Variants in SGCZ observed in about 807,000 individuals in gnomAD.
The protein encoded by SGCZ is sarcoglycan zeta, also known as zeta-sarcoglycan.
SGCZ carries 40 observed loss-of-function variants against 41.3 expected under a neutral mutation model. That is an observed-to-expected ratio of 0.97 (90% CI 0.75 to 1.26). SGCZ has a LOEUF of 1.26. Ranked by LOEUF, SGCZ falls within the 50% of genes most tolerant of loss-of-function variation. The pLI, the probability that SGCZ is intolerant of heterozygous loss-of-function variation, is 0.00. For synonymous variants in SGCZ, 206 were observed against 137.5 expected (o/e 1.50, Z -3.49); for missense variants, 552 against 369.8 (o/e 1.49, Z -4.04).
intron 2 of SGCZ, among the ~76,000 whole-genome samples, chr8:14,508,170 T>C (rs903286219): frequency 6.6e-6 from 1 of 152,140 alleles, no homozygotes; most frequent in Non-Finnish European, 1.5e-5. Flanking sequence ...CCTAACATAC[T>C]ATGTAATTTA....
At chr8:14,544,141 A>G (rs1803553392) in intron 2 of SGCZ, among the ~76,000 whole-genome samples, 1 of 152,160 alleles carries the variant, frequency 6.6e-6, no homozygotes, top group Admixed American at 6.6e-5. Context: ...GTGGCAGCGG[A>G]ACATAAATTC....
intron 1 of SGCZ, among the ~76,000 whole-genome samples, chr8:14,775,912 G>A (rs1436463827): frequency 6.6e-6 from 1 of 152,162 alleles, no homozygotes; most frequent in Admixed American, 6.5e-5. Flanking sequence ...ACAGATGCCT[G>A]TGACTGGGAG....
chr8:14,538,946 G>A (rs1196623847), intron 2 of SGCZ, among the ~76,000 whole-genome samples: 1 of 151,952 alleles, frequency 6.6e-6, no homozygotes, highest in African/African-American at 2.4e-5. Flanking sequence ...AATTTCATGT[G>A]TCAGCTTGGC....
rs543150631 is a variant in SGCZ at position 14,803,938 on chromosome 8, C to T, written c.40-249012G>A. Among the ~76,000 whole-genome samples, 57 of 110,148 alleles carry T rather than the reference C, an allele frequency of 5.2e-4. 1 individual carries two copies. Among genetic ancestry groups the T allele is most frequent in the Admixed American group, 6.5e-4 (7 of 10,736 alleles). 72.3% of individuals were successfully genotyped at this position (110,148 alleles called of 152,430 possible). On this transcript the variant is annotated intron_variant, in intron 1 of 7. Transcript: ENST00000382080. ...TGCTGACCCCTGACCCCCGAGCCGCCTAACTGGGAGGCACCCCACAGCATG... is the reference window on the plus strand; with the variant it reads ...TGCTGACCCCTGACCCCCGAGCCGCTTAACTGGGAGGCACCCCACAGCATG...
intron 1 of SGCZ, among the ~76,000 whole-genome samples, chr8:15,169,544 C>A (rs1799767149): frequency 6.6e-6 from 1 of 152,156 alleles, no homozygotes; most frequent in South Asian, 2.1e-4. Context: ...AACAAAGAAC[C>A]CTGTCTTTAG....
intron 5 of SGCZ, among the ~76,000 whole-genome samples, chr8:14,141,248 C>G (rs751413479): frequency 1.3e-5 from 2 of 152,044 alleles, no homozygotes; most frequent in Admixed American, 6.6e-5. Flanking sequence ...ATTCAGGACA[C>G]AGGCATGGGC....
At chr8:14,607,973 G>C (rs1278315093) in intron 1 of SGCZ, among the ~76,000 whole-genome samples, 1 of 152,136 alleles carries the variant, frequency 6.6e-6, no homozygotes, top group Non-Finnish European at 1.5e-5. Flanking sequence ...CCAGCTATTT[G>C]AAAGTTTCTA....
At chr8:14,728,496 G>GA in intron 1 of SGCZ, among the ~76,000 whole-genome samples, 1 of 151,862 alleles carries the variant, frequency 6.6e-6, no homozygotes, top group African/African-American at 2.4e-5. Context: ...ATTAACCATG[G>GA]AAAAAGACAC....
chr8:14,783,076 T>C (rs1009133479), intron 1 of SGCZ, among the ~76,000 whole-genome samples: 1 of 152,160 alleles, frequency 6.6e-6, no homozygotes. Context: ...CCCATGAGAT[T>C]TGGGGGCTTC....
At position 14,122,730 on chromosome 8, in the gene SGCZ, C is replaced by A. The variant is rs1802738025; in HGVS notation, c.548-14495G>T. 2.0e-5 allele frequency among the ~76,000 whole-genome samples: 3 copies of A among 152,158 alleles called. No homozygotes were observed. The South Asian group carries it at 6.2e-4, about 31-fold the overall frequency. ...CCATATTTTCAAGTTGTGGTCAACTCATTTCTTCTCCCCTTGTTTTTAGGA... is the reference window on the plus strand; with the variant it reads ...CCATATTTTCAAGTTGTGGTCAACTAATTTCTTCTCCCCTTGTTTTTAGGA... On this transcript the variant is annotated intron_variant, in intron 5 of 7. Transcript: ENST00000382080.
chr8:15,026,983 C>T (rs1585487250), intron 1 of SGCZ, among the ~76,000 whole-genome samples: 1 of 152,270 alleles, frequency 6.6e-6, no homozygotes, highest in East Asian at 1.9e-4. Flanking sequence ...TTCCAACAGA[C>T]AATGGTTCCA....
rs909115673 is a variant in SGCZ, at chr8:14,493,374, T to C, written c.234+61358A>G. 3.1e-3 allele frequency among the ~76,000 whole-genome samples: 376 copies of C among 123,206 alleles called. 16 individuals carry two copies. The highest frequency in any genetic ancestry group is 0.011 in the African/African-American group (366 of 33,086). 80.8% of individuals were successfully genotyped at this position (123,206 alleles called of 152,430 possible). A position where few individuals can be genotyped will look rare whatever the true frequency, so the allele number is the denominator to read the frequency against. On this transcript the variant is annotated intron_variant, in intron 2 of 7. Transcript: ENST00000382080. ...ATCATCCTTTCTTTTTTTTTTTTTT[T>C]TTTTTTTTTTTTTGATGGAGTCTCA...
At position 14,519,249 on chromosome 8, in the gene SGCZ, C is replaced by A. The variant is rs142782528; in HGVS notation, c.234+35483G>T. Among the ~76,000 whole-genome samples the A allele has an allele frequency of 5.5e-3, 836 of 152,070 alleles. 6 individuals carry two copies. Among genetic ancestry groups the A allele is most frequent in the Non-Finnish European group, 8.7e-3 (591 of 67,978 alleles). Reference sequence around the variant, plus strand: ...TGGAAGCTGTTTTCTTAAACCTTACCTACAAGTAACTACAGTTATGTGCAG... The same window carrying A: ...TGGAAGCTGTTTTCTTAAACCTTACATACAAGTAACTACAGTTATGTGCAG... On this transcript the variant is annotated intron_variant, in intron 2 of 7. Coordinates refer to ENST00000382080, the MANE Select transcript of SGCZ (RefSeq NM_139167.4).
At chr8:15,074,568 A>G (rs1805464134) in intron 1 of SGCZ, among the ~76,000 whole-genome samples, 1 of 152,138 alleles carries the variant, frequency 6.6e-6, no homozygotes, top group African/African-American at 2.4e-5. Flanking sequence ...GCTCCATAAT[A>G]CAGCATACAA....
At chr8:15,092,493 A>G (rs894147756) in intron 1 of SGCZ, among the ~76,000 whole-genome samples, 18 of 152,254 alleles carry the variant, frequency 1.2e-4, no homozygotes, top group African/African-American at 4.1e-4. Flanking sequence ...ATTAAATCAT[A>G]AAAGTGATGG....
At chr8:15,178,757 G>A (rs1223430278) in intron 1 of SGCZ, among the ~76,000 whole-genome samples, 2 of 152,030 alleles carry the variant, frequency 1.3e-5, no homozygotes, top group Non-Finnish European at 2.9e-5. Flanking sequence ...AAATCACACA[G>A]GGAATAATTA....
At chr8:14,370,107 G>A (rs559280004) in intron 2 of SGCZ, among the ~76,000 whole-genome samples, 1 of 152,006 alleles carries the variant, frequency 6.6e-6, no homozygotes, top group East Asian at 1.9e-4. Context: ...AAGATGAAGG[G>A]GTAAGATGTA....
At chr8:15,197,388 T>C (rs1016833100) in intron 1 of SGCZ, among the ~76,000 whole-genome samples, 1 of 152,242 alleles carries the variant, frequency 6.6e-6, no homozygotes, top group Non-Finnish European at 1.5e-5. Context: ...CTAAGTTTCA[T>C]TTCAGAATGT....
chr8:14,115,832 C>T (rs1394459710), intron 5 of SGCZ, among the ~76,000 whole-genome samples: 3 of 151,834 alleles, frequency 2.0e-5, no homozygotes, highest in Non-Finnish European at 4.4e-5. Context: ...TTCCTTAATC[C>T]TATCTTTTTT....
Sources: gnomAD v4.1 joint callset for allele counts (sites outside exome capture counted in the v4.1 genomes callset) on GRCh38, gnomAD v4.1.1 for gene constraint, MANE v1.5 for transcripts, NCBI Gene and HGNC (gene_info 2026-07-23, HGNC 2026-07-21) for gene names.